NUF2: variants seen among roughly 807,000 people sequenced by gnomAD.
The protein encoded by NUF2 is kinetochore protein Nuf2.
A neutral mutation model predicts 61.8 loss-of-function variants in NUF2; 34 were observed. The observed-to-expected ratio is 0.55, with a 90% CI of 0.42 to 0.73. The LOEUF is 0.73. Among genes scored for constraint, NUF2 ranks in the 30% least tolerant of loss-of-function variants. NUF2 has a pLI of 0.00. For synonymous variants in NUF2, 172 were observed against 181.6 expected (o/e 0.95, Z 0.42); for missense variants, 445 against 539.1 (o/e 0.83, Z 1.73).
intron 13 of NUF2, among the ~76,000 whole-genome samples, chr1:163,351,313 T>C (rs1651310332): frequency 6.6e-6 from 1 of 152,220 alleles, no homozygotes; most frequent in Admixed American, 6.5e-5. Flanking sequence ...TTGTGATCAG[T>C]TAAAGGACTC....
chr1:163,333,785 G>A (rs1359611802), intron 5 of NUF2, among the ~76,000 whole-genome samples: 1 of 152,060 alleles, frequency 6.6e-6, no homozygotes, highest in Non-Finnish European at 1.5e-5. Flanking sequence ...TATTAGATTT[G>A]TGTGAAACAG....
In NUF2 at chr1:163,335,855, A is replaced by T. The variant is rs1571383728; in HGVS notation, c.338-896A>T. Among the ~76,000 whole-genome samples, 3 of 151,980 alleles carry T rather than the reference A, an allele frequency of 2.0e-5. 1 individual carries two copies. Among genetic ancestry groups the T allele is most frequent in the Admixed American group, 2.0e-4 (3 of 15,260 alleles). On this transcript the variant is annotated intron_variant, in intron 5 of 13. Coordinates refer to ENST00000271452, the MANE Select transcript of NUF2 (RefSeq NM_145697.3). ...CAACTTCATGAATCCTTTTTATTTT[A>T]GGTCTGAACTACTGTTATTCCCATC...
At chr1:163,343,907 A>T in intron 10 of NUF2, 37 bp downstream of exon 10, 1 of 1,261,394 alleles carries the variant, frequency 7.9e-7, no homozygotes, top group Non-Finnish European at 1.0e-6. Flanking sequence ...TTTGTATCTA[A>T]AAAAAAAAAT....
Position 163,328,850 on chromosome 1 carries a change from T to C in NUF2, c.280T>C (p.Ser94Pro). The C allele has an allele frequency of 6.3e-7, 1 of 1,598,250 alleles. No homozygotes were observed. The highest frequency in any genetic ancestry group is 8.6e-7 in the Non-Finnish European group (1 of 1,166,130). Reference sequence around the variant, plus strand: ...TTTTTGTACTTCATCTTCAAGGGACTCATTTTTGCCTATCTGCCGGGTGAA... The same window carrying C: ...TTTTTGTACTTCATCTTCAAGGGACCCATTTTTGCCTATCTGCCGGGTGAA... ...PFSNLVTHLD[S>P]FLPICRVNDF... Residue 94 changes from serine to proline, a missense_variant, in exon 5 of 14, where the codon TCA (serine) becomes CCA (proline). Ser to Pro is a moderately conservative substitution (Grantham distance 74). Coordinates refer to ENST00000271452, the MANE Select transcript of NUF2 (RefSeq NM_145697.3).
intron 10 of NUF2, among the ~76,000 whole-genome samples, chr1:163,344,813 A>G (rs968606388): frequency 6.6e-6 from 1 of 151,874 alleles, no homozygotes; most frequent in Non-Finnish European, 1.5e-5. Flanking sequence ...ACCCAGAAAT[A>G]GATTTGAGTA....
intron 13 of NUF2, among the ~76,000 whole-genome samples, chr1:163,353,823 C>G (rs1370451229): frequency 6.6e-6 from 1 of 152,100 alleles, no homozygotes; most frequent in Non-Finnish European, 1.5e-5. Flanking sequence ...GGAATTGGGC[C>G]TTAATGTTTC....
rs1370580303 is a variant in NUF2, at chr1:163,328,907, A to C, written c.337A>C (p.Lys113Gln). The C allele has an allele frequency of 6.3e-7, 1 of 1,581,328 alleles. No homozygotes were observed. The highest frequency in any genetic ancestry group is 8.7e-7 in the Non-Finnish European group (1 of 1,151,876). The change falls in exon 5 of 14, where the codon AAA becomes CAA. Residue 113 changes from lysine to glutamine, a missense_variant and splice_region_variant. Coordinates refer to ENST00000271452, the MANE Select transcript of NUF2 (RefSeq NM_145697.3). Reference protein sequence around the residue: ...DFETADILCPKAKRTSRFLSG... With the variant: ...DFETADILCPQAKRTSRFLSG... ...TGAGACTGCTGATATTCTATGTCCA[A>C]GTAAGTGAGAATTTAAAACAGTTTT...
At chr1:163,352,309 T>G (rs1220505401) in intron 13 of NUF2, among the ~76,000 whole-genome samples, 1 of 152,256 alleles carries the variant, frequency 6.6e-6, no homozygotes, top group Non-Finnish European at 1.5e-5. Context: ...GCAGCAACAT[T>G]TGCTAAGTTT....
At chr1:163,337,055 C>T (rs182562449) in intron 6 of NUF2, among the ~76,000 whole-genome samples, 198 of 152,156 alleles carry the variant, frequency 1.3e-3, no homozygotes, top group African/African-American at 4.5e-3. Context: ...TTTGGTAACA[C>T]TATGGAGAGG....
intron 5 of NUF2, among the ~76,000 whole-genome samples, chr1:163,333,474 T>C (rs1650663360): frequency 6.6e-6 from 1 of 152,066 alleles, no homozygotes; most frequent in Non-Finnish European, 1.5e-5. Flanking sequence ...TCCTGTTCTT[T>C]AGTCCTGTTT....
intron 11 of NUF2, 64 bp from the exon 12 acceptor site, chr1:163,347,699 C>A: frequency 1.8e-6 from 2 of 1,082,476 alleles, no homozygotes; most frequent in South Asian, 4.8e-5. Flanking sequence ...AGAAAATATT[C>A]TTTCATTTTA....
At position 163,327,481 on chromosome 1, in the gene NUF2, G is replaced by A; in HGVS notation, c.124-7G>A. On this transcript the variant is annotated splice_polypyrimidine_tract_variant and splice_region_variant and intron_variant, in intron 2 of 13. Coordinates refer to ENST00000271452, the MANE Select transcript of NUF2 (RefSeq NM_145697.3). The stretch of plus-strand genomic sequence containing the variant: ...ATCGGAGTATTCAAAGTTGTTTTTT[G>A]CTGTAGCCTGAAGTCTTGCACATGA... The A allele has an allele frequency of 6.3e-7, 1 of 1,585,972 alleles. No homozygotes were observed. The highest frequency in any genetic ancestry group is 8.7e-7 in the Non-Finnish European group (1 of 1,155,920).
chr1:163,337,209 A>C (rs1650786716), intron 6 of NUF2, among the ~76,000 whole-genome samples: 1 of 151,976 alleles, frequency 6.6e-6, no homozygotes, highest in African/African-American at 2.4e-5. Context: ...GACATATTTG[A>C]GGTTTATATT....
intron 9 of NUF2, among the ~76,000 whole-genome samples, chr1:163,340,890 T>C (rs1650921415): frequency 6.6e-6 from 1 of 152,188 alleles, no homozygotes; most frequent in African/African-American, 2.4e-5. Flanking sequence ...ACATAGATTC[T>C]AATTTTTTGC....
At chr1:163,351,468 A>G (rs1557957272) in intron 13 of NUF2, among the ~76,000 whole-genome samples, 1 of 152,222 alleles carries the variant, frequency 6.6e-6, no homozygotes, top group Non-Finnish European at 1.5e-5. Flanking sequence ...GTTTAAATCT[A>G]TCATTCTGTC....
chr1:163,343,765 A>G lies in NUF2; in HGVS notation c.702A>G (p.Lys234=). The change falls in exon 10 of 14, where the codon AAA becomes AAG. Residue 234 remains lysine (K), a synonymous_variant. Coordinates refer to ENST00000271452, the MANE Select transcript of NUF2 (RefSeq NM_145697.3). ...NELKLSVVSL[K]EIQESLKTKI... ...TAAAATTGTCGGTGGTTTCTTTGAAAGAAATACAAGAGAGTTTGAAAACAA... is the reference window on the plus strand; with the variant it reads ...TAAAATTGTCGGTGGTTTCTTTGAAGGAAATACAAGAGAGTTTGAAAACAA... 7.0e-7 allele frequency: 1 copy of G among 1,429,952 alleles called. No individual in the cohort carries two copies. Among genetic ancestry groups the G allele is most frequent in the Non-Finnish European group, 9.3e-7 (1 of 1,075,560 alleles). 88.6% of individuals were successfully genotyped at this position (1,429,952 alleles called of 1,614,324 possible).
At chr1:163,345,977 C>T in intron 11 of NUF2, 159 bp downstream of exon 11, 1 of 492,586 alleles carries the variant, frequency 2.0e-6, no homozygotes, top group Non-Finnish European at 3.5e-6. Flanking sequence ...AGACACTTTT[C>T]TTTTTAAACA....
chr1:163,328,187 A>G (rs754439990), intron 3 of NUF2, 41 bp from the exon 4 acceptor site: 1 of 1,299,858 alleles, frequency 7.7e-7, no homozygotes, highest in South Asian at 1.3e-5. Context: ...CATTTTGTCT[A>G]ATCAATGTGT....
chr1:163,324,242 CAG>C (rs10587855), intron 1 of NUF2, among the ~76,000 whole-genome samples: 5,185 of 152,204 alleles, frequency 0.034, 172 homozygotes, highest in African/African-American at 0.086. Flanking sequence ...GTCATGTAAA[CAG>C]AGATTAATAT....
Sources: allele counts gnomAD v4.1 joint callset (sites outside exome capture counted in the v4.1 genomes callset), GRCh38; gene constraint gnomAD v4.1.1; transcripts MANE v1.5; gene names NCBI Gene and HGNC (gene_info 2026-07-23, HGNC 2026-07-21).